SLCO4A1: variants seen among roughly 807,000 people sequenced by gnomAD.
The protein encoded by SLCO4A1 is solute carrier organic anion transporter family member 4A1.
In SLCO4A1, 51 loss-of-function variants were observed where a neutral mutation model predicts 64.6. The observed-to-expected ratio is 0.79, with a 90% CI of 0.63 to 1.00. The LOEUF (loss-of-function observed/expected upper bound fraction) is 1.00. Ranked by LOEUF, SLCO4A1 falls within the 50% of genes least tolerant of loss-of-function variation. The probability of loss-of-function intolerance (pLI) is 0.00; values close to 1 mark genes in which losing one functional copy is unlikely to be tolerated. For synonymous variants in SLCO4A1, 471 were observed against 444.9 expected (o/e 1.06, Z -0.74); for missense variants, 919 against 980.5 (o/e 0.94, Z 0.84).
chr20:62,670,505 A>G (rs1987063724), intron 11 of SLCO4A1, among the ~76,000 whole-genome samples: 1 of 152,212 alleles, frequency 6.6e-6, no homozygotes. Context: ...GGGAAGCCGG[A>G]GGCGCCTCCT....
At chr20:62,676,047 C>G (rs1436636747), downstream of SLCO4A1, among the ~76,000 whole-genome samples, 2 of 152,210 alleles carry the variant, frequency 1.3e-5, no homozygotes, top group Non-Finnish European at 2.9e-5. Flanking sequence ...GAGTCAGACG[C>G]CAGGAGCAGC....
chr20:62,652,437 T>C (rs1375181602), intron 1 of SLCO4A1, among the ~76,000 whole-genome samples: 1 of 152,164 alleles, frequency 6.6e-6, no homozygotes, highest in East Asian at 1.9e-4. Context: ...GTGGAGCCCT[T>C]GCGCCTCCTC....
chr20:62,683,141 G>A (rs915340417), intron 2 of SLCO4A1, among the ~76,000 whole-genome samples: 5 of 152,214 alleles, frequency 3.3e-5, no homozygotes, highest in East Asian at 1.9e-4. Flanking sequence ...TTAGAAAGGC[G>A]CATGTGATCA....
rs553813244 is a variant in SLCO4A1, at chr20:62,671,858, A to G, written c.2134A>G (p.Ser712Gly). The G allele has an allele frequency of 1.2e-6, 2 of 1,613,278 alleles. No individual in the cohort carries two copies. The highest frequency in any genetic ancestry group is 1.3e-5 in the African/African-American group (1 of 75,078). Residue 712 changes from serine to glycine, a missense_variant, in exon 12 of 12, where the codon AGT (serine) becomes GGT (glycine). Coordinates refer to ENST00000217159, the MANE Select transcript of SLCO4A1 (RefSeq NM_016354.4). ...GCCCAGCCAGTCCTCAGCCCCTGAC[A>G]GTGCCACAGATAGCCAGCTCCAGAG... ...CLPSQSSAPD[S>G]ATDSQLQSSV
chr20:62,666,336 G>C, intron 6 of SLCO4A1, 44 bp from the exon 7 acceptor site: 2 of 1,573,594 alleles, frequency 1.3e-6, no homozygotes, highest in Non-Finnish European at 1.7e-6. Context: ...CTCCCACCAC[G>C]GCCCCCTGCC....
chr20:62,649,347 GGC>G (rs1338724028), intron 1 of SLCO4A1: 1 of 152,226 alleles, frequency 6.6e-6, no homozygotes, highest in Non-Finnish European at 1.5e-5. Flanking sequence ...CCCTGGGGAG[GGC>G]CACCCTTCAC....
intron 11 of SLCO4A1, among the ~76,000 whole-genome samples, chr20:62,670,809 G>T (rs981496263): frequency 2.0e-5 from 3 of 152,228 alleles, no homozygotes; most frequent in Non-Finnish European, 4.4e-5. Context: ...GGAGCACACG[G>T]TGTCTCCTTA....
chr20:62,681,564 A>C (rs1292175219), intron 2 of SLCO4A1, among the ~76,000 whole-genome samples: 1 of 151,728 alleles, frequency 6.6e-6, no homozygotes, highest in African/African-American at 2.4e-5. Flanking sequence ...GTGTGTACAC[A>C]CTCGTGTGTG....
rs1257991166 is a variant in SLCO4A1, at chr20:62,667,844, C to T, written c.1572C>T (p.Leu524=). Residue 524 remains leucine (L), a synonymous_variant, in exon 8 of 12, where the codon CTC becomes CTT. Transcript: ENST00000217159. Reference sequence around the variant, plus strand: ...GCCCTGTGTGCGGCTCGGACGGCCTCATGTACTTCTCACTGTGCCACGCAG... The same window carrying T: ...GCCCTGTGTGCGGCTCGGACGGCCTTATGTACTTCTCACTGTGCCACGCAG... The part of the protein sequence containing the change: ...HYSPVCGSDG[L]MYFSLCHAGC... 6.2e-7 allele frequency: 1 copy of T among 1,613,526 alleles called. No homozygotes were observed. Among genetic ancestry groups the T allele is most frequent in the African/African-American group, 1.3e-5 (1 of 74,956 alleles).
At chr20:62,662,130 G>A (rs1447505835) in intron 5 of SLCO4A1, among the ~76,000 whole-genome samples, 3 of 152,186 alleles carry the variant, frequency 2.0e-5, no homozygotes, top group Non-Finnish European at 2.9e-5. Context: ...GGATAGGAGG[G>A]AAGGCATCAG....
chr20:62,653,692 G>A (rs887685213), intron 1 of SLCO4A1, among the ~76,000 whole-genome samples: 17 of 152,338 alleles, frequency 1.1e-4, no homozygotes, highest in East Asian at 3.9e-4. Flanking sequence ...TCAGGCCTCT[G>A]TCATCTCCCA....
chr20:62,687,765 G>A (rs754422172), downstream of SLCO4A1, among the ~76,000 whole-genome samples: 340 of 152,286 alleles, frequency 2.2e-3, 1 homozygote, highest in Non-Finnish European at 3.6e-3. Flanking sequence ...TGCTGGGGCC[G>A]CGGGTCCCAT....
In SLCO4A1 at chr20:62,646,766, C is replaced by T. The variant is rs181688388; in HGVS notation, c.-97+4213C>T. On this transcript the variant is annotated intron_variant, in intron 1 of 11. Transcript: ENST00000217159. ...GTGGAAACTGAGGCAGAGAGAGGCC[C>T]GTGACCTGCGTGGCTTGGAGCCAGC... is the stretch of plus-strand genomic sequence containing the variant. Among the ~76,000 whole-genome samples the T allele has an allele frequency of 7.4e-4, 113 of 152,350 alleles. No individual in the cohort carries two copies. The East Asian group carries it at 0.014, about 18-fold the overall frequency.
At chr20:62,643,738 C>G (rs1327328965) in intron 1 of SLCO4A1, among the ~76,000 whole-genome samples, 1 of 152,246 alleles carries the variant, frequency 6.6e-6, no homozygotes, top group Non-Finnish European at 1.5e-5. Context: ...GCTCCTTGGC[C>G]TTAGCCGGCT....
At chr20:62,682,852 G>A (rs1413513207) in intron 2 of SLCO4A1, among the ~76,000 whole-genome samples, 5 of 152,210 alleles carry the variant, frequency 3.3e-5, no homozygotes, top group Admixed American at 2.0e-4. Context: ...AGGGCATGGC[G>A]AGGGTTAACC....
At chr20:62,686,550 G>A (rs1988065635), downstream of SLCO4A1, among the ~76,000 whole-genome samples, 2 of 152,174 alleles carry the variant, frequency 1.3e-5, no homozygotes, top group South Asian at 4.1e-4. Context: ...AGCCCCCGAG[G>A]GCCCTCTGAC....
intron 3 of SLCO4A1, among the ~76,000 whole-genome samples, chr20:62,659,455 T>C (rs566717390): frequency 4.1e-4 from 62 of 152,238 alleles, no homozygotes; most frequent in Non-Finnish European, 7.6e-4. Flanking sequence ...TGGAGGTCTC[T>C]AGCACTCTGA....
chr20:62,681,437 C>CGT (rs1165139092), intron 2 of SLCO4A1, among the ~76,000 whole-genome samples: 50 of 150,758 alleles, frequency 3.3e-4, no homozygotes, highest in African/African-American at 1.2e-3. Flanking sequence ...TGTACACACT[C>CGT]GTGTGTGTGT....
chr20:62,654,418 G>T (rs1983258406), intron 1 of SLCO4A1, among the ~76,000 whole-genome samples: 1 of 151,304 alleles, frequency 6.6e-6, no homozygotes, highest in African/African-American at 2.4e-5. Context: ...CCCAGCGCAG[G>T]CCCAGTGAGC....
Sources: gnomAD v4.1 joint callset for allele counts (sites outside exome capture counted in the v4.1 genomes callset) on GRCh38, gnomAD v4.1.1 for gene constraint, MANE v1.5 for transcripts, NCBI Gene and HGNC (gene_info 2026-07-23, HGNC 2026-07-21) for gene names.